NRXN3: variants seen among roughly 807,000 people sequenced by gnomAD.
NRXN3 encodes the protein neurexin 3.
A neutral mutation model predicts 137.6 loss-of-function variants in NRXN3; 32 were observed. That is an observed-to-expected ratio of 0.23 (90% CI 0.18 to 0.31). The LOEUF is 0.31. Among genes scored for constraint, NRXN3 ranks in the 10% least tolerant of loss-of-function variants. The pLI is 1.00. For synonymous variants in NRXN3, 798 were observed against 784.5 expected (o/e 1.02, Z -0.29); for missense variants, 1,574 against 2,062.5 (o/e 0.76, Z 4.59).
chr14:78,947,494 G>T (rs2099367944), intron 10 of NRXN3, among the ~76,000 whole-genome samples: 2 of 152,160 alleles, frequency 1.3e-5, no homozygotes, highest in South Asian at 4.1e-4. Flanking sequence ...AACCTGAAGG[G>T]TCTTTGGGTA....
intron 19 of NRXN3, among the ~76,000 whole-genome samples, chr14:79,784,611 TTGC>T (rs1201392619): frequency 9.2e-5 from 13 of 141,034 alleles, no homozygotes; most frequent in South Asian, 4.8e-4. Flanking sequence ...TTTTGTTGTG[TTGC>T]TTTTTTTTTT....
intron 4 of NRXN3, among the ~76,000 whole-genome samples, chr14:78,568,904 G>A (rs1039609330): frequency 4.6e-5 from 7 of 150,690 alleles, no homozygotes; most frequent in African/African-American, 1.7e-4. Flanking sequence ...AGATAGCTGT[G>A]CTCTTCCCCA....
intron 15 of NRXN3, among the ~76,000 whole-genome samples, chr14:79,010,371 T>C (rs557877308): frequency 4.7e-4 from 71 of 152,284 alleles, no homozygotes; most frequent in African/African-American, 1.7e-3. Flanking sequence ...CCCACCCAAC[T>C]AACCATCATT....
intron 8 of NRXN3, among the ~76,000 whole-genome samples, chr14:78,734,371 A>C (rs2098531928): frequency 6.6e-6 from 1 of 152,220 alleles, no homozygotes; most frequent in Non-Finnish European, 1.5e-5. Flanking sequence ...TCAAAGACAT[A>C]CATAGATGAG....
At chr14:79,190,202 T>A (rs1192299642) in intron 15 of NRXN3, among the ~76,000 whole-genome samples, 2 of 151,884 alleles carry the variant, frequency 1.3e-5, no homozygotes, top group Admixed American at 6.6e-5. Flanking sequence ...AAAAGGTCCA[T>A]AATCCTTACG....
chr14:79,212,304 G>A (rs758139385), intron 15 of NRXN3, among the ~76,000 whole-genome samples: 15 of 152,138 alleles, frequency 9.9e-5, no homozygotes, highest in Non-Finnish European at 1.9e-4. Flanking sequence ...TTCTTTCTAG[G>A]CTTCTTTGGA....
At chr14:79,074,168 A>C (rs2099692082) in intron 15 of NRXN3, among the ~76,000 whole-genome samples, 1 of 152,224 alleles carries the variant, frequency 6.6e-6, no homozygotes, top group African/African-American at 2.4e-5. Flanking sequence ...ATATGGGTCC[A>C]TTCCACATTT....
At chr14:78,211,071 A>T (rs73322263) in intron 1 of NRXN3, among the ~76,000 whole-genome samples, 7,188 of 152,338 alleles carry the variant, frequency 0.047, 531 homozygotes, top group African/African-American at 0.16. Flanking sequence ...AATTAGACAC[A>T]TAAAGTGCTT....
intron 4 of NRXN3, among the ~76,000 whole-genome samples, chr14:78,331,885 C>T (rs1380049812): frequency 2.6e-5 from 4 of 152,176 alleles, no homozygotes; most frequent in East Asian, 3.8e-4. Context: ...TACAGTTTTA[C>T]GGGCAACCTT....
chr14:78,274,679 G>A (rs1480797389), intron 2 of NRXN3, among the ~76,000 whole-genome samples: 1 of 152,216 alleles, frequency 6.6e-6, no homozygotes, highest in African/African-American at 2.4e-5. Context: ...TGCAGTAAGT[G>A]TCCATGGGAT....
chr14:78,172,227 C>A (rs931901425), intron 1 of NRXN3, among the ~76,000 whole-genome samples: 1 of 152,092 alleles, frequency 6.6e-6, no homozygotes, highest in Non-Finnish European at 1.5e-5. Flanking sequence ...CAGCACGCTG[C>A]GTGACTTGGT....
chr14:78,816,737 A>T (rs2098934668), intron 10 of NRXN3, among the ~76,000 whole-genome samples: 1 of 152,106 alleles, frequency 6.6e-6, no homozygotes, highest in Non-Finnish European at 1.5e-5. Context: ...ACCAAATTGC[A>T]CTCCAAAGAG....
intron 15 of NRXN3, among the ~76,000 whole-genome samples, chr14:79,028,936 A>G (rs958824780): frequency 5.3e-5 from 8 of 152,112 alleles, no homozygotes; most frequent in African/African-American, 1.4e-4. Flanking sequence ...CTTTACAGAG[A>G]GAAAGCATTG....
At chr14:79,173,535 A>C (rs2062001031) in intron 15 of NRXN3, among the ~76,000 whole-genome samples, 1 of 150,838 alleles carries the variant, frequency 6.6e-6, no homozygotes. Flanking sequence ...TGTCTCAAAA[A>C]AAAAAAAAAA....
intron 15 of NRXN3, among the ~76,000 whole-genome samples, chr14:79,105,625 C>T (rs1028705575): frequency 6.6e-6 from 1 of 152,118 alleles, no homozygotes; most frequent in African/African-American, 2.4e-5. Flanking sequence ...ATTCTTACCC[C>T]ATTTCAGGCA....
At chr14:78,306,123 T>C (rs1165929283) in intron 4 of NRXN3, among the ~76,000 whole-genome samples, 1 of 152,202 alleles carries the variant, frequency 6.6e-6, no homozygotes, top group Non-Finnish European at 1.5e-5. Context: ...ATTAATAAAA[T>C]GTACAATGTA....
intron 10 of NRXN3, among the ~76,000 whole-genome samples, chr14:78,890,516 A>G (rs1333172950): frequency 6.6e-6 from 1 of 151,800 alleles, no homozygotes; most frequent in Non-Finnish European, 1.5e-5. Flanking sequence ...ATGTTCTCCC[A>G]GCAGAGGAAA....
intron 15 of NRXN3, among the ~76,000 whole-genome samples, chr14:79,058,810 G>C (rs1261650677): frequency 3.9e-5 from 6 of 152,086 alleles, no homozygotes; most frequent in African/African-American, 1.4e-4. Context: ...GTTCTCAGGA[G>C]ATCTGATGGT....
intron 8 of NRXN3, among the ~76,000 whole-genome samples, chr14:78,733,820 C>T (rs138170547): frequency 7.5e-4 from 114 of 152,094 alleles, no homozygotes; most frequent in Middle Eastern, 3.4e-3. Context: ...TTATTGAGAC[C>T]GTATTATATG....
Sources: gnomAD v4.1 joint callset for allele counts (sites outside exome capture counted in the v4.1 genomes callset) on GRCh38, gnomAD v4.1.1 for gene constraint, MANE v1.5 for transcripts, NCBI Gene and HGNC (gene_info 2026-07-23, HGNC 2026-07-21) for gene names.